HECW2: variants seen among roughly 807,000 people sequenced by gnomAD.
The protein encoded by HECW2 is HECT, C2 and WW domain containing E3 ubiquitin protein ligase 2, also known as E3 ubiquitin-protein ligase HECW2.
Under a neutral mutation model 175.2 loss-of-function variants are expected in HECW2, and 61 were observed. That is an observed-to-expected ratio of 0.35 (90% CI 0.28 to 0.43). The LOEUF (loss-of-function observed/expected upper bound fraction) is 0.43, where lower values mean the gene tolerates loss of function less well. HECW2 is among the 20% of genes least tolerant of loss of function. The pLI is 1.00. For synonymous variants in HECW2, 671 were observed against 731.0 expected, an observed-to-expected ratio of 0.92 and a Z score of 1.32; for missense variants, 1,524 against 2,000.5, an observed-to-expected ratio of 0.76 and a Z score of 4.54.
At chr2:196,437,212 T>C (rs753794859) in intron 1 of HECW2, among the ~76,000 whole-genome samples, 1 of 151,870 alleles carries the variant, frequency 6.6e-6, no homozygotes, top group African/African-American at 2.4e-5. Context: ...ATTGGAAGCA[T>C]GGATACAAAG....
intron 2 of HECW2, among the ~76,000 whole-genome samples, chr2:196,397,099 G>A (rs886562605): frequency 1.3e-5 from 2 of 150,814 alleles, no homozygotes; most frequent in African/African-American, 2.4e-5. Flanking sequence ...GGGACAGAGC[G>A]AGACTCCGTC....
intron 2 of HECW2, among the ~76,000 whole-genome samples, chr2:196,353,393 A>G (rs755926151): frequency 6.6e-5 from 10 of 152,180 alleles, no homozygotes; most frequent in African/African-American, 9.7e-5. Flanking sequence ...CACATACTCT[A>G]TAAGAATCTA....
chr2:196,356,369 CA>C (rs1693368781), intron 2 of HECW2, among the ~76,000 whole-genome samples: 1 of 152,196 alleles, frequency 6.6e-6, no homozygotes, highest in Non-Finnish European at 1.5e-5. Flanking sequence ...TTCCATTACC[CA>C]AAGTTAACCT....
At chr2:196,580,600 T>C (rs926068671) in intron 1 of HECW2, among the ~76,000 whole-genome samples, 8 of 149,646 alleles carry the variant, frequency 5.3e-5, no homozygotes, top group African/African-American at 1.5e-4. Context: ...TTAGTCATCA[T>C]GGAAATACAA....
At chr2:196,569,250 G>C (rs1690290331) in intron 1 of HECW2, among the ~76,000 whole-genome samples, 1 of 152,174 alleles carries the variant, frequency 6.6e-6, no homozygotes. Context: ...GCTGAGGCAG[G>C]AGGCTCACTT....
chr2:196,585,960 C>A (rs1242120070), intron 1 of HECW2, among the ~76,000 whole-genome samples: 1 of 152,108 alleles, frequency 6.6e-6, no homozygotes, highest in Admixed American at 6.6e-5. Flanking sequence ...CTCCCTGCCA[C>A]CCAATATCTT....
Position 196,319,381 on chromosome 2 carries a change from T to C in HECW2, c.1509A>G (p.Thr503=), listed in dbSNP as rs1691848591. 1.2e-6 allele frequency: 2 copies of C among 1,613,550 alleles called. No homozygotes were observed. Among genetic ancestry groups the C allele is most frequent in the Middle Eastern group, 1.6e-4 (1 of 6,062 alleles). The change falls in exon 9 of 29, where the codon ACA becomes ACG. Residue 503 remains threonine, a synonymous_variant. Coordinates refer to ENST00000644978, the MANE Select transcript of HECW2 (RefSeq NM_001348768.2). Reference sequence around the variant, plus strand: ...GGTTGTCCTCCAGCTTTGTCTGAGATGTCAGGCTTCCATCATCAGCTCTGG... The same window carrying C: ...GGTTGTCCTCCAGCTTTGTCTGAGACGTCAGGCTTCCATCATCAGCTCTGG... ...RASRADDGSL[T]SQTKLEDNPV...
chr2:196,558,953 C>T (rs1053187398), intron 1 of HECW2, among the ~76,000 whole-genome samples: 1 of 152,192 alleles, frequency 6.6e-6, no homozygotes, highest in African/African-American at 2.4e-5. Flanking sequence ...TGGGCACCTA[C>T]TCTATGCCAG....
At chr2:196,281,940 G>A (rs1559008533) in intron 14 of HECW2, among the ~76,000 whole-genome samples, 1 of 152,014 alleles carries the variant, frequency 6.6e-6, no homozygotes, top group Non-Finnish European at 1.5e-5. Flanking sequence ...TGTTAAATGG[G>A]GATCATAACT....
intron 13 of HECW2, among the ~76,000 whole-genome samples, chr2:196,303,537 C>T (rs1192196147): frequency 2.0e-5 from 3 of 152,014 alleles, no homozygotes; most frequent in East Asian, 1.9e-4. Context: ...CATCTGATCC[C>T]GGGCTTTTTT....
chr2:196,464,724 T>C (rs1696879822), intron 1 of HECW2, among the ~76,000 whole-genome samples: 1 of 152,200 alleles, frequency 6.6e-6, no homozygotes, highest in Non-Finnish European at 1.5e-5. Flanking sequence ...GATAAGACTG[T>C]GCTTGTAAAA....
In HECW2 at chr2:196,414,895, G is replaced by A. The variant is rs148076688; in HGVS notation, c.292+18237C>T. Among the ~76,000 whole-genome samples the A allele has an allele frequency of 6.6e-5, 10 of 152,252 alleles. No homozygotes were observed. In the East Asian group the frequency reaches 1.5e-3, roughly 24 times the overall value. On this transcript the variant is annotated intron_variant, in intron 2 of 28. Coordinates refer to ENST00000644978, the MANE Select transcript of HECW2 (RefSeq NM_001348768.2). The stretch of plus-strand genomic sequence containing the variant: ...CCTTGGGAGTCTTCAGGTGTGGGTC[G>A]GATATCAGTCCACTGCAGACAGCAC...
chr2:196,208,379 A>G lies in HECW2; in HGVS notation c.4608-6991T>C, dbSNP rs115520877. On this transcript the variant is annotated intron_variant, in intron 28 of 28. Coordinates refer to ENST00000644978, the MANE Select transcript of HECW2 (RefSeq NM_001348768.2). The stretch of plus-strand genomic sequence containing the variant: ...TATCCCTAAAGATTTCAAATTCACT[A>G]AAAACAATATTTATGGAGTACATGT... 8.7e-3 allele frequency among the ~76,000 whole-genome samples: 1,325 copies of G among 152,348 alleles called. 29 individuals are homozygous for G. Among genetic ancestry groups the G allele is most frequent in the African/African-American group, 0.03 (1,264 of 41,564 alleles).
At chr2:196,334,348 A>T in intron 4 of HECW2, 76 bp downstream of exon 4, 1 of 1,058,618 alleles carries the variant, frequency 9.4e-7, no homozygotes, top group Non-Finnish European at 1.4e-6. Flanking sequence ...TAACCCTGTC[A>T]GGGCCGCACA....
chr2:196,279,055 AT>A lies in HECW2; in HGVS notation c.3001-394del, dbSNP rs1160688354. Among the ~76,000 whole-genome samples the A allele has an allele frequency of 2.4e-3, 365 of 149,632 alleles. 3 individuals carry two copies. Among genetic ancestry groups the A allele is most frequent in the African/African-American group, 8.3e-3 (341 of 40,854 alleles). The stretch of plus-strand genomic sequence containing the variant: ...ACCACCTTGAAACTTAAAAAAAAAA[AT>A]TTTTTTTTTTGAGACGGAGTCTCGC... On this transcript the variant is annotated intron_variant, in intron 14 of 28. Coordinates refer to ENST00000644978, the MANE Select transcript of HECW2 (RefSeq NM_001348768.2).
intron 14 of HECW2, chr2:196,287,971 T>G (rs1417748707): frequency 2.0e-5 from 3 of 152,084 alleles, no homozygotes; most frequent in Non-Finnish European, 4.4e-5. Context: ...CACATACCAG[T>G]GCTAAGGCAC....
intron 15 of HECW2, among the ~76,000 whole-genome samples, chr2:196,276,017 A>T (rs1689941846): frequency 6.6e-6 from 1 of 152,198 alleles, no homozygotes; most frequent in African/African-American, 2.4e-5. Flanking sequence ...GGGAGATCTG[A>T]TCACTAAGTA....
chr2:196,528,445 T>A (rs973416593), intron 1 of HECW2, among the ~76,000 whole-genome samples: 3 of 152,168 alleles, frequency 2.0e-5, no homozygotes, highest in African/African-American at 7.2e-5. Context: ...CCTCACCTAT[T>A]TAAAACTGAT....
At position 196,395,123 on chromosome 2, in the gene HECW2, T is replaced by TG. The variant is rs1194647168; in HGVS notation, c.292+38008dup. On this transcript the variant is annotated intron_variant, in intron 2 of 28. Coordinates refer to ENST00000644978, the MANE Select transcript of HECW2 (RefSeq NM_001348768.2). ...GCCCCAACTCCTACTATCATCACCT[T>TG]GGGGGTATCAATACATGAATTTTGG... 3.3e-5 allele frequency among the ~76,000 whole-genome samples: 5 copies of TG among 152,128 alleles called. No individual in the cohort carries two copies. The East Asian group carries it at 9.6e-4, about 29-fold the overall frequency.
Sources: allele counts gnomAD v4.1 joint callset (sites outside exome capture counted in the v4.1 genomes callset), GRCh38; gene constraint gnomAD v4.1.1; transcripts MANE v1.5; gene names NCBI Gene and HGNC (gene_info 2026-07-23, HGNC 2026-07-21).